The following ST8SIA6 variants were observed in gnomAD, a reference collection of about 807,000 sequenced individuals.
ST8SIA6 encodes alpha-2,8-sialyltransferase 8F.
Under a neutral mutation model 33.6 loss-of-function variants are expected in ST8SIA6, and 39 were observed. The ratio of observed to expected loss-of-function variants is 1.16; its 90% CI spans 0.90 to 1.52. ST8SIA6 has a LOEUF of 1.52. Ranked by LOEUF, ST8SIA6 falls within the 40% of genes most tolerant of loss-of-function variation. The probability of loss-of-function intolerance (pLI) is 0.00; values close to 1 mark genes in which losing one functional copy is unlikely to be tolerated. For synonymous variants in ST8SIA6, 172 were observed against 167.2 expected (o/e 1.03, Z -0.22); for missense variants, 441 against 443.8 (o/e 0.99, Z 0.06).
intron 2 of ST8SIA6, among the ~76,000 whole-genome samples, chr10:17,427,657 G>A (rs1237236501): frequency 2.0e-5 from 3 of 152,212 alleles, no homozygotes; most frequent in Non-Finnish European, 2.9e-5. Context: ...ACTTGAGGAT[G>A]GCAGCTGAAT....
chr10:17,384,182 C>T (rs1850256302), intron 3 of ST8SIA6, among the ~76,000 whole-genome samples: 1 of 152,158 alleles, frequency 6.6e-6, no homozygotes, highest in Non-Finnish European at 1.5e-5. Flanking sequence ...AGTCCCTGTA[C>T]AGGGTTTCTG....
At chr10:17,442,354 G>A (rs1305847440) in intron 2 of ST8SIA6, among the ~76,000 whole-genome samples, 2 of 152,064 alleles carry the variant, frequency 1.3e-5, no homozygotes, top group African/African-American at 2.4e-5. Flanking sequence ...AGTGATATAC[G>A]ACAAAATCAA....
chr10:17,331,687 C>T (rs1848307146), intron 4 of ST8SIA6, 135 bp from the exon 5 acceptor site: 2 of 931,754 alleles, frequency 2.1e-6, no homozygotes, highest in African/African-American at 1.7e-5. Context: ...ACAAAGATGA[C>T]TTTGATTTTT....
intron 2 of ST8SIA6, among the ~76,000 whole-genome samples, chr10:17,421,617 T>C (rs777369834): frequency 2.0e-4 from 30 of 152,140 alleles, no homozygotes; most frequent in Admixed American, 3.9e-4. Flanking sequence ...GGCTAGAGTG[T>C]AGTGGTGTAA....
intron 3 of ST8SIA6, among the ~76,000 whole-genome samples, chr10:17,389,201 C>T (rs925697689): frequency 3.3e-5 from 5 of 152,108 alleles, no homozygotes; most frequent in South Asian, 2.1e-4. Flanking sequence ...CTCTGATCCC[C>T]GATCCAACGC....
Position 17,353,069 on chromosome 10 carries a change from T to C in ST8SIA6, c.377+6445A>G, listed in dbSNP as rs184921420. ...GCTCAGAAAAATGAACTTAGTCTTG[T>C]ATTATTGAAAGAAGCCCCTAGCAGA... is the stretch of plus-strand genomic sequence containing the variant. On this transcript the variant is annotated intron_variant, in intron 4 of 7. Transcript: ENST00000377602. Among the ~76,000 whole-genome samples the C allele has an allele frequency of 3.3e-5, 5 of 152,280 alleles. No individual in the cohort carries two copies. The East Asian group carries it at 9.6e-4, about 29-fold the overall frequency.
At chr10:17,391,148 G>A (rs1850590403) in intron 2 of ST8SIA6, among the ~76,000 whole-genome samples, 2 of 151,414 alleles carry the variant, frequency 1.3e-5, no homozygotes, top group South Asian at 4.2e-4. Context: ...GTGAGCCATC[G>A]TGCCTGGCCT....
chr10:17,409,577 A>G (rs1851380915), intron 2 of ST8SIA6: 1 of 152,166 alleles, frequency 6.6e-6, no homozygotes, highest in Non-Finnish European at 1.5e-5. Context: ...TACCAAAAAA[A>G]AAAAGTGAAC....
intron 4 of ST8SIA6, among the ~76,000 whole-genome samples, chr10:17,336,429 T>G (rs7924053): frequency 0.35 from 53,590 of 151,938 alleles, 10,829 homozygotes; most frequent in African/African-American, 0.54. Flanking sequence ...ATAGTTGTAC[T>G]TGTTGCAATT....
chr10:17,412,437 G>A (rs905377760), intron 2 of ST8SIA6, among the ~76,000 whole-genome samples: 1 of 152,178 alleles, frequency 6.6e-6, no homozygotes, highest in Non-Finnish European at 1.5e-5. Context: ...AGGGGCTCCT[G>A]AAACCATACT....
rs12256036 is a variant in ST8SIA6 at position 17,453,446 on chromosome 10, C to A, written c.200+113G>T. Reference sequence around the variant, plus strand: ...AAACACACGCACACTCTTACACTCACTCGCGCCGTCCCAGCCTGCCTACTC... The same window carrying A: ...AAACACACGCACACTCTTACACTCAATCGCGCCGTCCCAGCCTGCCTACTC... On this transcript the variant is annotated intron_variant, in intron 2 of 7. Coordinates refer to ENST00000377602, the MANE Select transcript of ST8SIA6 (RefSeq NM_001004470.3). 3.8e-3 allele frequency: 3,013 copies of A among 790,780 alleles called. 62 individuals carry two copies. The African/African-American group carries it at 0.05, about 13-fold the overall frequency. 49.0% of individuals were successfully genotyped at this position (790,780 alleles called of 1,614,324 possible).
At chr10:17,416,419 T>C (rs1361251780) in intron 2 of ST8SIA6, among the ~76,000 whole-genome samples, 2 of 152,216 alleles carry the variant, frequency 1.3e-5, no homozygotes, top group Non-Finnish European at 2.9e-5. Context: ...TCCCTTGAGC[T>C]CCAGACTCAT....
chr10:17,395,831 C>T (rs1203589313), intron 2 of ST8SIA6, among the ~76,000 whole-genome samples: 2 of 151,998 alleles, frequency 1.3e-5, no homozygotes, highest in Non-Finnish European at 2.9e-5. Context: ...TGTGGTGAGC[C>T]GAGATTGTGC....
At chr10:17,435,545 T>C (rs1852223909) in intron 2 of ST8SIA6, among the ~76,000 whole-genome samples, 1 of 152,202 alleles carries the variant, frequency 6.6e-6, no homozygotes, top group Non-Finnish European at 1.5e-5. Flanking sequence ...ACTAAGCTGC[T>C]GAAACCTGGC....
At chr10:17,418,409 A>C (rs955793308) in intron 2 of ST8SIA6, among the ~76,000 whole-genome samples, 1 of 152,150 alleles carries the variant, frequency 6.6e-6, no homozygotes, top group Non-Finnish European at 1.5e-5. Context: ...TTTTTCTGGC[A>C]TGTTGAGTTG....
chr10:17,400,382 C>G (rs1043113138), intron 2 of ST8SIA6, among the ~76,000 whole-genome samples: 1 of 152,068 alleles, frequency 6.6e-6, no homozygotes, highest in African/African-American at 2.4e-5. Context: ...AAATACAAAA[C>G]TTAGCCAGGC....
intron 2 of ST8SIA6, among the ~76,000 whole-genome samples, chr10:17,418,141 C>G (rs1311453336): frequency 2.6e-5 from 4 of 152,206 alleles, no homozygotes; most frequent in Non-Finnish European, 5.9e-5. Context: ...TCACTGCAGC[C>G]TGGAGCTCCT....
intron 2 of ST8SIA6, among the ~76,000 whole-genome samples, chr10:17,400,366 T>G (rs1158815707): frequency 6.6e-6 from 1 of 152,130 alleles, no homozygotes; most frequent in African/African-American, 2.4e-5. Flanking sequence ...ACCCCATGTC[T>G]ACTAAAAATA....
intron 2 of ST8SIA6, among the ~76,000 whole-genome samples, chr10:17,398,224 G>A (rs1850893285): frequency 1.3e-5 from 2 of 152,236 alleles, no homozygotes; most frequent in Admixed American, 1.3e-4. Context: ...CTACTCAGGA[G>A]GCTGAGGCAG....
Sources: allele counts gnomAD v4.1 joint callset (sites outside exome capture counted in the v4.1 genomes callset), GRCh38; gene constraint gnomAD v4.1.1; transcripts MANE v1.5; gene names NCBI Gene and HGNC (gene_info 2026-07-23, HGNC 2026-07-21).